The following METAP2 variants were observed in gnomAD, a reference collection of about 807,000 sequenced individuals.
The protein encoded by METAP2 is methionine aminopeptidase 2.
A neutral mutation model predicts 59.4 loss-of-function variants in METAP2; 25 were observed. That is an observed-to-expected ratio of 0.42 (90% confidence interval 0.31 to 0.59). The LOEUF is 0.59. METAP2 is among the 20% of genes least tolerant of loss of function. METAP2 has a pLI of 0.16. For synonymous variants in METAP2, 214 were observed against 194.1 expected, an observed-to-expected ratio of 1.10 and a Z score of -0.85; for missense variants, 366 against 581.2, an observed-to-expected ratio of 0.63 and a Z score of 3.81.
intron 8 of METAP2, among the ~76,000 whole-genome samples, chr12:95,505,923 C>T (rs528201454): frequency 3.3e-5 from 5 of 151,090 alleles, no homozygotes; most frequent in East Asian, 4.0e-4. Flanking sequence ...GGTAAAACCC[C>T]GTCTCTACTA....
intron 1 of METAP2, among the ~76,000 whole-genome samples, chr12:95,475,257 G>A (rs769671550): frequency 3.6e-4 from 55 of 152,190 alleles, no homozygotes; most frequent in Non-Finnish European, 8.8e-5. Flanking sequence ...GAGAGAGGTC[G>A]AAGAGAGCTA....
intron 2 of METAP2, among the ~76,000 whole-genome samples, chr12:95,480,044 G>T (rs910363123): frequency 6.6e-6 from 1 of 152,158 alleles, no homozygotes; most frequent in Non-Finnish European, 1.5e-5. Context: ...TGTGTCTCTT[G>T]TAGTTGGTTC....
intron 10 of METAP2, among the ~76,000 whole-genome samples, chr12:95,513,134 A>ACACAC (rs1336299007): frequency 1.3e-4 from 13 of 100,044 alleles, no homozygotes; most frequent in Non-Finnish European, 2.5e-4. Context: ...CACACACACA[A>ACACAC]GTGCTCTCTT....
intron 2 of METAP2, among the ~76,000 whole-genome samples, chr12:95,476,860 C>T (rs1444574205): frequency 6.6e-6 from 1 of 152,144 alleles, no homozygotes; most frequent in Admixed American, 6.5e-5. Flanking sequence ...ATTTTAACCT[C>T]ACAAAACCAA....
At chr12:95,497,402 T>TA (rs1360084059) in intron 7 of METAP2, among the ~76,000 whole-genome samples, 3 of 152,252 alleles carry the variant, frequency 2.0e-5, no homozygotes, top group Non-Finnish European at 4.4e-5. Context: ...TTGTAGCATG[T>TA]GTCAGAATTT....
In METAP2 at chr12:95,513,834, C is replaced by T. The variant is rs1488592002; in HGVS notation, c.1367C>T (p.Ala456Val). The T allele has an allele frequency of 1.9e-6, 3 of 1,614,138 alleles. No individual in the cohort carries two copies. The highest frequency in any genetic ancestry group is 2.5e-6 in the Non-Finnish European group (3 of 1,180,004). Reference protein sequence around the residue: ...PLCDIKGSYTAQFEHTILLRP... With the variant: ...PLCDIKGSYTVQFEHTILLRP... ...TGTGACATTAAAGGATCATATACAG[C>T]GCAATTTGAACATACCATCCTGTTG... The change falls in exon 11 of 11, where the codon GCG becomes GTG. Residue 456 changes from alanine (A) to valine (V), a missense_variant. Ala to Val is a moderately conservative substitution (Grantham distance 64, BLOSUM62 0). This residue lies in a region of METAP2 where 82 missense variants were observed against 156.2 expected (regional missense o/e 0.52). Transcript: ENST00000323666.
chr12:95,492,152 G>GTGTGTGTGTGTGTGTA, intron 4 of METAP2, among the ~76,000 whole-genome samples: 1 of 151,782 alleles, frequency 6.6e-6, no homozygotes, highest in African/African-American at 2.4e-5. Flanking sequence ...GTGTGTGTGT[G>GTGTGTGTGTGTGTGTA]TGTATGTATA....
rs200533539 is a variant in METAP2, at chr12:95,513,991, G to C, written c.*87G>C. ...AGAATTAATTTGCCACATGTTGTCT[G>C]TTTTAACAGTGGACCCATGTAATAC... On this transcript the variant is annotated 3_prime_UTR_variant, in exon 11 of 11. Transcript: ENST00000323666. 63 of 1,396,880 alleles carry C rather than the reference G, an allele frequency of 4.5e-5. No homozygotes were observed. The highest frequency in any genetic ancestry group is 6.1e-5 in the Non-Finnish European group (63 of 1,027,236). The allele number at this position is 1,396,880 out of a possible 1,614,324, so 86.5% of individuals were successfully genotyped here. A position where few individuals can be genotyped will look rare whatever the true frequency, so the allele number is the denominator to read the frequency against.
At position 95,513,875 on chromosome 12, in the gene METAP2, G is replaced by T; in HGVS notation, c.1408G>T (p.Glu470Ter). ...CATCCTGTTGCGTCCAACATGTAAA[G>T]AAGTTGTCAGCAGAGGAGATGACTA... ...HTILLRPTCK[E>*]VVSRGDDY Residue 470 changes from glutamate (E) to a stop codon, truncating the protein, a stop_gained, in exon 11 of 11, where the codon GAA becomes TAA. Coordinates refer to ENST00000323666, the MANE Select transcript of METAP2 (RefSeq NM_006838.4). LOFTEE classifies it high-confidence loss of function. The T allele has an allele frequency of 6.2e-7, 1 of 1,614,086 alleles. No homozygotes were observed. The highest frequency in any genetic ancestry group is 8.5e-7 in the Non-Finnish European group (1 of 1,179,968).
chr12:95,492,227 T>C (rs1430536822), intron 4 of METAP2, among the ~76,000 whole-genome samples: 2 of 152,108 alleles, frequency 1.3e-5, no homozygotes, highest in African/African-American at 4.8e-5. Flanking sequence ...TCTTGAACTG[T>C]TGTCCTCAAG....
At chr12:95,503,000 C>A (rs1286235342) in intron 7 of METAP2, among the ~76,000 whole-genome samples, 1 of 117,634 alleles carries the variant, frequency 8.5e-6, no homozygotes, top group Non-Finnish European at 1.8e-5. Flanking sequence ...TTTTAAGTAT[C>A]TTTAGAAGAG....
intron 3 of METAP2, chr12:95,484,723 TGC>T: frequency 2.7e-6 from 1 of 366,676 alleles, no homozygotes. Flanking sequence ...TTTTTTTTTC[TGC>T]TTAGTATCAA....
chr12:95,497,397 G>T (rs1371283374), intron 7 of METAP2, among the ~76,000 whole-genome samples: 2 of 152,188 alleles, frequency 1.3e-5, no homozygotes, highest in African/African-American at 2.4e-5. Flanking sequence ...CTATGTTGTA[G>T]CATGTGTCAG....
At chr12:95,485,395 CA>C (rs1404460347) in intron 3 of METAP2, among the ~76,000 whole-genome samples, 1 of 152,070 alleles carries the variant, frequency 6.6e-6, no homozygotes, top group Non-Finnish European at 1.5e-5. Flanking sequence ...AATACTTTGA[CA>C]AAAGTTACGA....
At chr12:95,493,948 ATATG>A (rs2076257859) in intron 4 of METAP2, 104 bp from the exon 5 acceptor site, 2 of 891,926 alleles carry the variant, frequency 2.2e-6, no homozygotes, top group Admixed American at 5.5e-5. Context: ...CATAAACTGA[ATATG>A]TACTGTATTT....
At chr12:95,496,530 T>C (rs1251255337) in intron 7 of METAP2, among the ~76,000 whole-genome samples, 1 of 152,034 alleles carries the variant, frequency 6.6e-6, no homozygotes, top group Non-Finnish European at 1.5e-5. Flanking sequence ...TGAACTAGCA[T>C]TGACCACATC....
chr12:95,475,927 A>C, intron 1 of METAP2, 144 bp from the exon 2 acceptor site: 1 of 559,354 alleles, frequency 1.8e-6, no homozygotes, highest in Non-Finnish European at 3.2e-6. Flanking sequence ...TTCTGTCATT[A>C]AACGAATTCT....
chr12:95,489,385 T>C (rs763078478), intron 4 of METAP2, among the ~76,000 whole-genome samples: 1 of 152,242 alleles, frequency 6.6e-6, no homozygotes, highest in Admixed American at 6.5e-5. Flanking sequence ...ATAATACTTC[T>C]CAAAGTAATT....
Position 95,499,327 on chromosome 12 carries a change from A to C in METAP2, c.867+3229A>C, listed in dbSNP as rs1392098110. On this transcript the variant is annotated intron_variant, in intron 7 of 10. Coordinates refer to ENST00000323666, the MANE Select transcript of METAP2 (RefSeq NM_006838.4). ...CATCAATTTTGTTTGTTTTTTATAG[A>C]GACAAGTCTCACTGTGTTGCTCAGG... Among the ~76,000 whole-genome samples the C allele has an allele frequency of 2.0e-5, 3 of 152,040 alleles. No individual in the cohort carries two copies. In the East Asian group the frequency reaches 5.8e-4, roughly 29 times the overall value.
Sources: gnomAD v4.1 joint callset for allele counts (sites outside exome capture counted in the v4.1 genomes callset) on GRCh38, gnomAD v4.1.1 for gene constraint, gnomAD v4.1.1 regional missense constraint, MANE v1.5 for transcripts, NCBI Gene and HGNC (gene_info 2026-07-23, HGNC 2026-07-21) for gene names.